The following PLD5 variants were observed in gnomAD, a reference collection of about 807,000 sequenced individuals.
The protein encoded by PLD5 is phospholipase D family member 5, also known as inactive phospholipase D5.
PLD5 carries 36 observed loss-of-function variants against 61.1 expected under a neutral mutation model. The observed-to-expected ratio is 0.59, with a 90% CI of 0.45 to 0.78. PLD5 has a LOEUF of 0.78. PLD5 is among the 30% of genes least tolerant of loss of function. The pLI, the probability that PLD5 is intolerant of heterozygous loss-of-function variation, is 0.00. For missense variants in PLD5, 515 were observed against 644.4 expected (o/e 0.80, Z 2.17); for synonymous variants, 243 against 242.8 (o/e 1.00, Z -0.01).
rs1553317605 is a variant in PLD5 at position 242,181,662 on chromosome 1, T to TTTG, written c.735+38325_735+38326insCAA. 5.9e-5 allele frequency among the ~76,000 whole-genome samples: 9 copies of TTTG among 151,858 alleles called. No homozygotes were observed. In the Middle Eastern group the frequency reaches 0.01, roughly 172 times the overall value. ...GTAAAAATGTCTCTTCAATGGTTTT[T>TTTG]TTTTGTTTTGTTTTGTTTTGAGACA... On this transcript the variant is annotated intron_variant, in intron 5 of 9. Transcript: ENST00000536534.
chr1:242,466,596 T>C (rs1461584444), intron 1 of PLD5, among the ~76,000 whole-genome samples: 2 of 152,106 alleles, frequency 1.3e-5, no homozygotes, highest in East Asian at 1.9e-4. Context: ...CTCTTACTTA[T>C]AAAAAGTGGA....
chr1:242,160,825 C>T (rs1287718878), intron 5 of PLD5, among the ~76,000 whole-genome samples: 3 of 151,946 alleles, frequency 2.0e-5, no homozygotes, highest in Non-Finnish European at 4.4e-5. Flanking sequence ...ATGGAGGTTG[C>T]AGTGAGCTTT....
At chr1:242,279,069 C>T (rs1016238541) in intron 3 of PLD5, among the ~76,000 whole-genome samples, 12 of 152,300 alleles carry the variant, frequency 7.9e-5, no homozygotes, top group African/African-American at 2.4e-4. Context: ...ACTGGTGGTA[C>T]GCTGGACAAT....
At chr1:242,211,237 G>A (rs759682844) in intron 5 of PLD5, among the ~76,000 whole-genome samples, 2 of 152,174 alleles carry the variant, frequency 1.3e-5, no homozygotes, top group African/African-American at 4.8e-5. Context: ...TGAAGTTATA[G>A]GATATACACA....
chr1:242,276,970 T>A (rs1434203896), intron 3 of PLD5, among the ~76,000 whole-genome samples: 2 of 152,032 alleles, frequency 1.3e-5, no homozygotes, highest in African/African-American at 4.8e-5. Flanking sequence ...ATGAATATGC[T>A]CATCATGCCA....
intron 1 of PLD5, among the ~76,000 whole-genome samples, chr1:242,399,111 C>A (rs931564673): frequency 5.3e-5 from 8 of 152,176 alleles, no homozygotes; most frequent in Admixed American, 1.3e-4. Flanking sequence ...ACGTAGCTAA[C>A]CCTTCGCTCA....
intron 1 of PLD5, among the ~76,000 whole-genome samples, chr1:242,395,692 G>T (rs1663530408): frequency 6.6e-6 from 1 of 152,142 alleles, no homozygotes; most frequent in South Asian, 2.1e-4. Flanking sequence ...GATGCAACCT[G>T]GAACCACAGA....
chr1:242,368,743 G>T (rs192197856), intron 1 of PLD5, among the ~76,000 whole-genome samples: 1 of 152,192 alleles, frequency 6.6e-6, no homozygotes, highest in African/African-American at 2.4e-5. Context: ...ATGCCTGGCC[G>T]CCAGGTAGGA....
chr1:242,093,824 G>A (rs1217894184), intron 9 of PLD5, among the ~76,000 whole-genome samples: 1 of 151,840 alleles, frequency 6.6e-6, no homozygotes, highest in African/African-American at 2.4e-5. Flanking sequence ...CTGGGGTGGG[G>A]GGAAAATGAT....
chr1:242,089,616 ACTAACTT>A lies in PLD5; in HGVS notation c.*231_*237del, dbSNP rs1659654745. 1.7e-6 allele frequency: 1 copy of A among 575,222 alleles called. No homozygotes were observed. Among genetic ancestry groups the A allele is most frequent in the Non-Finnish European group, 3.0e-6 (1 of 337,224 alleles). The allele number at this position is 575,222 out of a possible 1,614,324, so 35.6% of individuals were successfully genotyped here. ...TTAAAATTTGTATGCAAACGTAAAA[ACTAACTT>A]CTACGCCAGAATGACATTCTCTGTC... is the stretch of plus-strand genomic sequence containing the variant. On this transcript the variant is annotated 3_prime_UTR_variant, in exon 10 of 10. Coordinates refer to ENST00000536534, the MANE Select transcript of PLD5 (RefSeq NM_001372062.1).
intron 1 of PLD5, among the ~76,000 whole-genome samples, chr1:242,490,920 A>G (rs954751937): frequency 2.6e-5 from 4 of 152,132 alleles, no homozygotes; most frequent in African/African-American, 9.7e-5. Flanking sequence ...TCCTCTTTGT[A>G]AAGCACATTT....
At chr1:242,291,151 A>T (rs1251055249) in intron 2 of PLD5, among the ~76,000 whole-genome samples, 1 of 151,862 alleles carries the variant, frequency 6.6e-6, no homozygotes, top group Non-Finnish European at 1.5e-5. Context: ...CCTAATCCCA[A>T]TTCCTACACT....
chr1:242,422,766 T>A (rs1665214685), intron 1 of PLD5, among the ~76,000 whole-genome samples: 1 of 151,962 alleles, frequency 6.6e-6, no homozygotes, highest in Admixed American at 6.6e-5. Flanking sequence ...CTTAGCATTA[T>A]GAGCAAAAAG....
At position 242,455,240 on chromosome 1, in the gene PLD5, G is replaced by C. The variant is rs184443705; in HGVS notation, c.189+68848C>G. 4.8e-3 allele frequency among the ~76,000 whole-genome samples: 732 copies of C among 152,244 alleles called. 2 individuals carry two copies. The highest frequency in any genetic ancestry group is 7.0e-3 in the Non-Finnish European group (478 of 68,020). On this transcript the variant is annotated intron_variant, in intron 1 of 9. Coordinates refer to ENST00000536534, the MANE Select transcript of PLD5 (RefSeq NM_001372062.1). ...CAAATCATTTGAAAGGCTTTATTTA[G>C]ATGAAGATAATCCAGATGCAAATTC...
intron 4 of PLD5, among the ~76,000 whole-genome samples, chr1:242,237,949 C>T (rs1295828971): frequency 6.6e-6 from 1 of 152,212 alleles, no homozygotes; most frequent in African/African-American, 2.4e-5. Context: ...TGCAATCACA[C>T]ATTCTCCGAT....
At chr1:242,119,035 A>G (rs577403175) in intron 6 of PLD5, among the ~76,000 whole-genome samples, 1 of 152,286 alleles carries the variant, frequency 6.6e-6, no homozygotes, top group East Asian at 1.9e-4. Context: ...TCCATAGTAA[A>G]GTAGAAGAAG....
At chr1:242,285,177 C>T (rs1674947195) in intron 3 of PLD5, among the ~76,000 whole-genome samples, 1 of 152,212 alleles carries the variant, frequency 6.6e-6, no homozygotes, top group South Asian at 2.1e-4. Context: ...TTGAACTAAG[C>T]TTCTAAGTGT....
At chr1:242,144,092 T>C (rs1483687659) in intron 5 of PLD5, among the ~76,000 whole-genome samples, 1 of 152,038 alleles carries the variant, frequency 6.6e-6, no homozygotes, top group Middle Eastern at 3.2e-3. Flanking sequence ...CTGGTCTTGA[T>C]TCCTGGCCTT....
In PLD5 at chr1:242,089,838, C is replaced by CA; in HGVS notation, c.*15dup. 2 of 1,613,756 alleles carry CA rather than the reference C, an allele frequency of 1.2e-6. No individual in the cohort carries two copies. The highest frequency in any genetic ancestry group is 1.7e-6 in the Non-Finnish European group (2 of 1,179,746). The stretch of plus-strand genomic sequence containing the variant: ...AATATGAAATACAGAGCTGTCCTGT[C>CA]AGTTTCTTCATCATGTTATACGTTC... On this transcript the variant is annotated 3_prime_UTR_variant, in exon 10 of 10. Coordinates refer to ENST00000536534, the MANE Select transcript of PLD5 (RefSeq NM_001372062.1).
Sources: allele counts gnomAD v4.1 joint callset (sites outside exome capture counted in the v4.1 genomes callset), GRCh38; gene constraint gnomAD v4.1.1; transcripts MANE v1.5; gene names NCBI Gene and HGNC (gene_info 2026-07-23, HGNC 2026-07-21).